The following KDM6A variants were observed in gnomAD, a reference collection of about 807,000 sequenced individuals.
KDM6A encodes the protein lysine-specific demethylase 6A.
Under a neutral mutation model 117.6 loss-of-function variants are expected in KDM6A, and 11 were observed. The observed-to-expected ratio is 0.09, with a 90% CI of 0.06 to 0.15. KDM6A has a LOEUF of 0.15. Among genes scored for constraint, KDM6A ranks in the 10% least tolerant of loss-of-function variants. KDM6A has a pLI of 1.00. For synonymous variants in KDM6A, 384 were observed against 396.1 expected (o/e 0.97, Z 0.36); for missense variants, 799 against 1,077.3 (o/e 0.74, Z 3.62).
At chrX:44,991,999 T>A (rs768730969) in intron 4 of KDM6A, among the ~76,000 whole-genome samples, 1 of 110,274 alleles carries the variant, frequency 9.1e-6, no homozygotes, top group Non-Finnish European at 1.9e-5. Flanking sequence ...TGGTTAGTGG[T>A]TTTTAATGCC....
At chrX:44,952,335 G>C (rs1160284161) in intron 2 of KDM6A, among the ~76,000 whole-genome samples, 1 of 104,213 alleles carries the variant, frequency 9.6e-6, no homozygotes, top group Non-Finnish European at 1.9e-5. Flanking sequence ...GCAGTGGCGC[G>C]ATCTCGGCTC....
chrX:45,054,756 T>G (rs1243295406), intron 10 of KDM6A, among the ~76,000 whole-genome samples: 1 of 112,085 alleles, frequency 8.9e-6, no homozygotes, highest in South Asian at 3.7e-4. Context: ...GTTTGTGGAA[T>G]TGTGGATGGT....
At chrX:45,032,348 C>T (rs1424693759) in intron 6 of KDM6A, among the ~76,000 whole-genome samples, 1 of 111,554 alleles carries the variant, frequency 9.0e-6, no homozygotes, top group South Asian at 3.8e-4. Flanking sequence ...TATTTTGCAT[C>T]TGGTTTAGGT....
chrX:45,102,759 C>T (rs1283174680), intron 27 of KDM6A, among the ~76,000 whole-genome samples: 1 of 111,646 alleles, frequency 9.0e-6, no homozygotes, highest in African/African-American at 3.3e-5. Flanking sequence ...GCTTTTTTCC[C>T]CCCATCTAGG....
intron 2 of KDM6A, among the ~76,000 whole-genome samples, chrX:44,891,030 A>AT (rs999112816): frequency 3.2e-4 from 34 of 105,372 alleles, no homozygotes; most frequent in African/African-American, 5.9e-4. Flanking sequence ...TTCTAGTTGG[A>AT]TTTTTTTTTT....
chrX:45,056,715 A>T (rs759625326), intron 10 of KDM6A, among the ~76,000 whole-genome samples: 4 of 111,694 alleles, frequency 3.6e-5, no homozygotes, highest in Non-Finnish European at 7.5e-5. Context: ...CTTTCATTAG[A>T]GGAAAAGTGG....
intron 8 of KDM6A, among the ~76,000 whole-genome samples, chrX:45,045,378 G>A (rs1309692585): frequency 7.3e-5 from 8 of 109,617 alleles, no homozygotes; most frequent in South Asian, 8.0e-4. Flanking sequence ...TTGAGGTCAC[G>A]AGTTCGAGAC....
At chrX:45,088,429 CATT>C (rs1204534536) in intron 25 of KDM6A, among the ~76,000 whole-genome samples, 1 of 113,328 alleles carries the variant, frequency 8.8e-6, no homozygotes, top group Non-Finnish European at 1.9e-5. Flanking sequence ...ACAACTGTGT[CATT>C]ATAGCACAGA....
chrX:44,880,382 T>C (rs1279614318), intron 2 of KDM6A, among the ~76,000 whole-genome samples: 1 of 109,787 alleles, frequency 9.1e-6, no homozygotes, highest in East Asian at 2.8e-4. Flanking sequence ...AATGGTCATC[T>C]TGGAGTACAA....
At chrX:45,048,642 A>G (rs1311472589) in intron 8 of KDM6A, among the ~76,000 whole-genome samples, 5 of 108,967 alleles carry the variant, frequency 4.6e-5, no homozygotes, top group Non-Finnish European at 9.5e-5. Flanking sequence ...TAGCCAGCCA[A>G]AGTACCAGTT....
chrX:45,033,135 A>T (rs770419192), intron 6 of KDM6A, among the ~76,000 whole-genome samples: 1 of 112,165 alleles, frequency 8.9e-6, no homozygotes, highest in East Asian at 2.8e-4. Flanking sequence ...TTACAGGACA[A>T]ATTAGACTTA....
At position 44,932,084 on chromosome X, in the gene KDM6A, C is replaced by CTTTTTTTTTT. The variant is rs796121677; in HGVS notation, c.226-29181_226-29172dup. 5.3e-4 allele frequency among the ~76,000 whole-genome samples: 9 copies of CTTTTTTTTTT among 17,089 alleles called. 2 individuals carry two copies. Among genetic ancestry groups the CTTTTTTTTTT allele is most frequent in the Admixed American group, 2.8e-3 (2 of 727 alleles). 14.8% of individuals were successfully genotyped at this position (17,089 alleles called of 115,157 possible). A position where few individuals can be genotyped will look rare whatever the true frequency, so the allele number is the denominator to read the frequency against. Reference sequence around the variant, plus strand: ...GCTGGTCCTGATTGCTCTAGGTAGCCTTTTTTTTTTTTTTTTTTTTTTTTT... The same window carrying CTTTTTTTTTT: ...GCTGGTCCTGATTGCTCTAGGTAGCCTTTTTTTTTTTTTTTTTTTTTTTTTTTTTTTTTTT... On this transcript the variant is annotated intron_variant, in intron 2 of 29. Coordinates refer to ENST00000611820, the MANE Select transcript of KDM6A (RefSeq NM_001291415.2).
At chrX:45,005,680 A>G (rs1019266633) in intron 4 of KDM6A, among the ~76,000 whole-genome samples, 2 of 110,480 alleles carry the variant, frequency 1.8e-5, no homozygotes, top group Non-Finnish European at 3.8e-5. Flanking sequence ...CTAGGGGGCT[A>G]TCTGGGGGGA....
Position 45,090,771 on chromosome X carries a change from A to G in KDM6A, c.3941A>G (p.Gln1314Arg), listed in dbSNP as rs780697751. The part of the protein sequence containing the change: ...AVERYEWNKL[Q>R]SVKSIVPMVH... ...GAACGGTACGAATGGAACAAATTGCAAAGTGTGAAGTCAATAGTACCCATG... is the reference window on the plus strand; with the variant it reads ...GAACGGTACGAATGGAACAAATTGCGAAGTGTGAAGTCAATAGTACCCATG... The change falls in exon 27 of 30, where the codon CAA becomes CGA. Residue 1314 changes from glutamine (Q) to arginine (R), a missense_variant. By Grantham distance (43) the Gln-to-Arg change is conservative. Transcript: ENST00000611820. The G allele has an allele frequency of 5.0e-6, 6 of 1,209,456 alleles. No homozygotes were observed. The highest frequency in any genetic ancestry group is 6.7e-6 in the Non-Finnish European group (6 of 894,061).
chrX:44,995,187 CTGTG>C (rs1569510822), intron 4 of KDM6A, among the ~76,000 whole-genome samples: 1 of 111,025 alleles, frequency 9.0e-6, no homozygotes, highest in African/African-American at 3.3e-5. Flanking sequence ...GGGTACAACT[CTGTG>C]TGGTACCTAA....
At chrX:44,899,619 A>G (rs1298452653) in intron 2 of KDM6A, among the ~76,000 whole-genome samples, 1 of 110,348 alleles carries the variant, frequency 9.1e-6, no homozygotes, top group African/African-American at 3.3e-5. Flanking sequence ...ATGGGTGGCA[A>G]TACGAAAACC....
At position 45,111,383 on chromosome X, in the gene KDM6A, C is replaced by T; in HGVS notation, c.4334C>T (p.Ala1445Val). The change falls in exon 30 of 30, where the codon GCT (alanine) becomes GTT (valine). Residue 1445 changes from alanine to valine, a missense_variant and splice_region_variant. Transcript: ENST00000611820. Reference sequence around the variant, plus strand: ...AACCTACCTTACTTTTATTTTCAGGCTCCTCCATTACCATCCGCCTCATCT... The same window carrying T: ...AACCTACCTTACTTTTATTTTCAGGTTCCTCCATTACCATCCGCCTCATCT... Reference protein sequence around the residue: ...LMQVYDQFTLAPPLPSASS With the variant: ...LMQVYDQFTLVPPLPSASS 8.4e-7 allele frequency: 1 copy of T among 1,195,332 alleles called. No homozygotes were observed.
chrX:44,875,065 A>T (rs975866346), intron 2 of KDM6A, among the ~76,000 whole-genome samples: 3 of 112,082 alleles, frequency 2.7e-5, no homozygotes, highest in Non-Finnish European at 5.6e-5. Context: ...CCAAAATCTG[A>T]TTGCAATGGT....
intron 3 of KDM6A, among the ~76,000 whole-genome samples, chrX:44,969,752 T>C (rs2039244805): frequency 8.9e-6 from 1 of 111,772 alleles, no homozygotes; most frequent in Non-Finnish European, 1.9e-5. Flanking sequence ...ATGACAGTAC[T>C]CTATCCTGGA....
Sources: gnomAD v4.1 joint callset for allele counts (sites outside exome capture counted in the v4.1 genomes callset) on GRCh38, gnomAD v4.1.1 for gene constraint, MANE v1.5 for transcripts, NCBI Gene and HGNC (gene_info 2026-07-23, HGNC 2026-07-21) for gene names.